Variants in NAPA observed in about 807,000 individuals in gnomAD.
The protein encoded by NAPA is alpha-soluble NSF attachment protein.
NAPA carries 18 observed loss-of-function variants against 48.0 expected under a neutral mutation model. The ratio of observed to expected loss-of-function variants is 0.38; its 90% CI spans 0.26 to 0.56. NAPA has a LOEUF of 0.56. Among genes scored for constraint, NAPA ranks in the 20% least tolerant of loss-of-function variants. The pLI is 0.77. For synonymous variants in NAPA, 152 were observed against 149.9 expected, an observed-to-expected ratio of 1.01 and a Z score of -0.10; for missense variants, 315 against 385.0, an observed-to-expected ratio of 0.82 and a Z score of 1.52.
At chr19:47,489,867 C>T in intron 9 of NAPA, 106 bp from the exon 10 acceptor site, 1 of 1,154,936 alleles carries the variant, frequency 8.7e-7, no homozygotes. Flanking sequence ...GGGGCTGGGG[C>T]TTCCTGAGGA....
downstream of NAPA, among the ~76,000 whole-genome samples, chr19:47,484,706 A>ATT (rs35425298): frequency 7.5e-3 from 966 of 129,136 alleles, 10 homozygotes; most frequent in African/African-American, 0.026. Flanking sequence ...ACAGTTCACT[A>ATT]TTTTTTTTTT....
chr19:47,493,559 A>T lies in NAPA; in HGVS notation c.343-66T>A. ...CTCCTGCGTGCCTGCCTGCTGACCT[A>T]TGACCCTTCAAGTTCCCACCCCTCA... is the stretch of plus-strand genomic sequence containing the variant. On this transcript the variant is annotated intron_variant, in intron 4 of 10. Transcript: ENST00000263354. The surrounding 1 kb of genome is among the most constrained non-coding windows in gnomAD (Gnocchi z 6.4). 1 of 1,442,932 alleles carries T rather than the reference A, an allele frequency of 6.9e-7. No individual in the cohort carries two copies. Among genetic ancestry groups the T allele is most frequent in the Non-Finnish European group, 9.7e-7 (1 of 1,029,378 alleles). 89.4% of individuals were successfully genotyped at this position (1,442,932 alleles called of 1,614,324 possible). A position where few individuals can be genotyped will look rare whatever the true frequency, so the allele number is the denominator to read the frequency against.
At chr19:47,502,086 CA>C in intron 2 of NAPA, among the ~76,000 whole-genome samples, 1 of 151,520 alleles carries the variant, frequency 6.6e-6, no homozygotes, top group Non-Finnish European at 1.5e-5. Flanking sequence ...ACTAAAAATA[CA>C]AAAATAAGCT....
chr19:47,497,817 C>T (rs888534683), intron 3 of NAPA, among the ~76,000 whole-genome samples: 2 of 152,234 alleles, frequency 1.3e-5, no homozygotes, highest in Non-Finnish European at 2.9e-5. Context: ...TTAAAAGATG[C>T]CAAGCATCTG....
intron 1 of NAPA, among the ~76,000 whole-genome samples, chr19:47,511,590 T>C (rs1234029064): frequency 6.6e-6 from 1 of 152,208 alleles, no homozygotes; most frequent in Non-Finnish European, 1.5e-5. Context: ...TCATGAACCT[T>C]GAGGAGAAAC....
At chr19:47,496,098 A>G in intron 3 of NAPA, 1 of 171,346 alleles carries the variant, frequency 5.8e-6, no homozygotes, top group South Asian at 1.5e-4. Context: ...CCATCTCTGC[A>G]GGATCCTGAG....
chr19:47,503,646 TC>T, intron 1 of NAPA, 144 bp from the exon 2 acceptor site: 3 of 760,942 alleles, frequency 3.9e-6, no homozygotes, highest in Non-Finnish European at 6.7e-6. Flanking sequence ...GCCTCTTGAG[TC>T]TGTGGCCCCC....
Position 47,493,330 on chromosome 19 carries a change from G to A in NAPA, c.420+86C>T. 1 of 1,523,928 alleles carries A rather than the reference G, an allele frequency of 6.6e-7. No homozygotes were observed. The allele number at this position is 1,523,928 out of a possible 1,614,324, so 94.4% of individuals were successfully genotyped here. On this transcript the variant is annotated intron_variant, in intron 5 of 10. Transcript: ENST00000263354. The surrounding 1 kb of genome is among the most constrained non-coding windows in gnomAD (Gnocchi z 6.4). ...CCCCATGCCCCCTTCTCGGCACTCA[G>A]ACACCAGAGGACTCCCCTGGTGGGA...
At chr19:47,488,435 C>A in intron 10 of NAPA, 46 bp from the exon 11 acceptor site, 1 of 1,504,772 alleles carries the variant, frequency 6.6e-7, no homozygotes, top group Non-Finnish European at 9.2e-7. Context: ...CCCCCGTTCC[C>A]AACCCTGCAG....
chr19:47,514,525 G>C (rs562402529), intron 1 of NAPA, among the ~76,000 whole-genome samples: 2 of 152,106 alleles, frequency 1.3e-5, no homozygotes, highest in African/African-American at 2.4e-5. Flanking sequence ...CCTCGGTCCA[G>C]GTTCTCCCCC....
At chr19:47,486,761 G>C (rs1968088716), downstream of NAPA, among the ~76,000 whole-genome samples, 1 of 152,232 alleles carries the variant, frequency 6.6e-6, no homozygotes, top group African/African-American at 2.4e-5. Flanking sequence ...AGTCTTTGCT[G>C]CCATTATCAG....
chr19:47,489,321 CCTT>C lies in NAPA; in HGVS notation c.786+387_786+389del, dbSNP rs988428033. 1.9e-4 allele frequency: 45 copies of C among 236,354 alleles called. No homozygotes were observed. The Middle Eastern group carries it at 6.6e-3, about 35-fold the overall frequency. 14.6% of individuals were successfully genotyped at this position (236,354 alleles called of 1,614,324 possible). A position where few individuals can be genotyped will look rare whatever the true frequency, so the allele number is the denominator to read the frequency against. On this transcript the variant is annotated intron_variant, in intron 10 of 10. Coordinates refer to ENST00000263354, the MANE Select transcript of NAPA (RefSeq NM_003827.4). ...TCTCCCATGTCCTCAGCTCCACTCT[CCTT>C]CTCACCCCTTCCCTCCCCGTCTGTG... is the stretch of plus-strand genomic sequence containing the variant.
intron 2 of NAPA, 117 bp downstream of exon 2, chr19:47,503,306 G>T: frequency 1.1e-6 from 1 of 913,136 alleles, no homozygotes; most frequent in East Asian, 2.4e-5. Flanking sequence ...TTCCGATGCC[G>T]GAGAGGGCAT....
At chr19:47,509,339 TAAAATAAAATAAATAAAATAAAA>T (rs1968759934) in intron 1 of NAPA, among the ~76,000 whole-genome samples, 1 of 125,046 alleles carries the variant, frequency 8.0e-6, no homozygotes, top group Non-Finnish European at 1.8e-5. Flanking sequence ...TAAAATAAAA[TAAAATAAAATAAATAAAATAAAA>T]TAAAATAAAA....
chr19:47,492,742 A>C, intron 7 of NAPA: 2 of 676,790 alleles, frequency 3.0e-6, no homozygotes, highest in Non-Finnish European at 2.7e-6. Context: ...GGGCACAGCC[A>C]GGGAGAGAGA....
chr19:47,494,757 A>G (rs866072206), intron 4 of NAPA, among the ~76,000 whole-genome samples: 26 of 145,814 alleles, frequency 1.8e-4, no homozygotes, highest in East Asian at 4.1e-4. Context: ...AAAAAAAAAA[A>G]AGAGAGAGAG....
At chr19:47,508,372 C>A (rs954295600) in intron 1 of NAPA, among the ~76,000 whole-genome samples, 1 of 152,230 alleles carries the variant, frequency 6.6e-6, no homozygotes, top group Non-Finnish European at 1.5e-5. Flanking sequence ...AGCTGCCTCC[C>A]GCCACTCTGC....
intron 4 of NAPA, chr19:47,495,269 C>G: frequency 2.1e-6 from 1 of 487,576 alleles, no homozygotes. Context: ...GCCAGGATTA[C>G]AGGCATGAGC....
At chr19:47,496,264 C>T in intron 3 of NAPA, 1 of 153,088 alleles carries the variant, frequency 6.5e-6, no homozygotes. Context: ...CTAGTCCTGC[C>T]ACCCACCAGC....
Sources: gnomAD v4.1 joint callset for allele counts (sites outside exome capture counted in the v4.1 genomes callset) on GRCh38, gnomAD v4.1.1 for gene constraint, Gnocchi (gnomAD v3.1) non-coding constraint, MANE v1.5 for transcripts, NCBI Gene and HGNC (gene_info 2026-07-23, HGNC 2026-07-21) for gene names.